The following CTNNA2 variants were observed in gnomAD, a reference collection of about 807,000 sequenced individuals.
CTNNA2 encodes the protein catenin alpha 2.
CTNNA2 carries 42 observed loss-of-function variants against 101.0 expected under a neutral mutation model. That is an observed-to-expected ratio of 0.42 (90% CI 0.32 to 0.54). CTNNA2 has a LOEUF of 0.54. Among genes scored for constraint, CTNNA2 ranks in the 20% least tolerant of loss-of-function variants. CTNNA2 has a pLI of 0.14. For missense variants in CTNNA2, 871 were observed against 1,223.1 expected (o/e 0.71, Z 4.29); for synonymous variants, 450 against 456.4 (o/e 0.99, Z 0.18).
At chr2:80,625,495 C>A (rs1196776538) in intron 18 of CTNNA2, among the ~76,000 whole-genome samples, 1 of 150,378 alleles carries the variant, frequency 6.6e-6, no homozygotes, top group Non-Finnish European at 1.5e-5. Flanking sequence ...TTCAGGAAGA[C>A]TTCTTTGATA....
At chr2:79,819,446 A>G (rs1187341256) in intron 3 of CTNNA2, among the ~76,000 whole-genome samples, 1 of 152,128 alleles carries the variant, frequency 6.6e-6, no homozygotes, top group Non-Finnish European at 1.5e-5. Context: ...GCATTTTTGT[A>G]TGTCCTTTGT....
chr2:80,200,012 A>G (rs1360286304), intron 7 of CTNNA2, among the ~76,000 whole-genome samples: 2 of 152,170 alleles, frequency 1.3e-5, no homozygotes, highest in Non-Finnish European at 2.9e-5. Context: ...TACAACCAGA[A>G]AGCTAACACA....
At chr2:79,776,637 C>T (rs10496232) in intron 3 of CTNNA2, among the ~76,000 whole-genome samples, 24,561 of 152,126 alleles carry the variant, frequency 0.16, 3,374 homozygotes, top group East Asian at 0.39. Context: ...ACTTATTGTT[C>T]ACTGGCTTGT....
chr2:80,289,732 A>G (rs531383494), intron 7 of CTNNA2, among the ~76,000 whole-genome samples: 8 of 152,286 alleles, frequency 5.3e-5, no homozygotes, highest in African/African-American at 1.7e-4. Context: ...ACAGAGTCAC[A>G]CTAGTGACTG....
intron 7 of CTNNA2, among the ~76,000 whole-genome samples, chr2:80,255,319 G>T (rs1397954458): frequency 6.6e-6 from 1 of 152,074 alleles, no homozygotes; most frequent in Non-Finnish European, 1.5e-5. Flanking sequence ...CATGAAGAAA[G>T]CCAGTGCCCC....
intron 2 of CTNNA2, among the ~76,000 whole-genome samples, chr2:79,670,493 G>C (rs1022870890): frequency 6.6e-6 from 1 of 152,160 alleles, no homozygotes; most frequent in Admixed American, 6.5e-5. Flanking sequence ...GACCCAGGGC[G>C]CTTCCGTGCT....
chr2:80,362,244 T>C (rs1038700422), intron 7 of CTNNA2, among the ~76,000 whole-genome samples: 8 of 152,082 alleles, frequency 5.3e-5, no homozygotes, highest in African/African-American at 1.2e-4. Flanking sequence ...AAGACACTCC[T>C]CCATTATAAG....
At chr2:80,096,323 T>A (rs942412742) in intron 7 of CTNNA2, among the ~76,000 whole-genome samples, 2 of 152,174 alleles carry the variant, frequency 1.3e-5, no homozygotes, top group African/African-American at 4.8e-5. Flanking sequence ...TTTGACTGAG[T>A]TTCTTAATCC....
chr2:79,661,924 A>G (rs576375670), intron 2 of CTNNA2, among the ~76,000 whole-genome samples: 1 of 152,002 alleles, frequency 6.6e-6, no homozygotes, highest in Admixed American at 6.5e-5. Context: ...TGAAGCTCCT[A>G]AGGAAAATGT....
At chr2:79,379,933 TG>T (rs1678020640) in intron 4 of CTNNA2, among the ~76,000 whole-genome samples, 1 of 152,230 alleles carries the variant, frequency 6.6e-6, no homozygotes, top group Non-Finnish European at 1.5e-5. Context: ...CACAATGTTA[TG>T]TAAAATAGTC....
intron 9 of CTNNA2, among the ~76,000 whole-genome samples, chr2:80,486,720 CAG>C (rs1686614120): frequency 6.6e-6 from 1 of 152,092 alleles, no homozygotes; most frequent in South Asian, 2.1e-4. Flanking sequence ...TAAAATAATG[CAG>C]AGAGATCCTA....
At chr2:79,258,745 C>A (rs901894114) in intron 2 of CTNNA2, among the ~76,000 whole-genome samples, 22 of 150,826 alleles carry the variant, frequency 1.5e-4, no homozygotes, top group Non-Finnish European at 2.8e-4. Context: ...AATATTTCTA[C>A]TCCAAGTCCT....
At chr2:80,114,477 C>T (rs1701403591) in intron 7 of CTNNA2, among the ~76,000 whole-genome samples, 1 of 152,164 alleles carries the variant, frequency 6.6e-6, no homozygotes, top group Admixed American at 6.5e-5. Flanking sequence ...ATCTGTGTTC[C>T]AGCCTCGTGG....
At chr2:79,425,395 G>A (rs894925263) in intron 4 of CTNNA2, among the ~76,000 whole-genome samples, 6 of 152,084 alleles carry the variant, frequency 3.9e-5, no homozygotes, top group Non-Finnish European at 8.8e-5. Flanking sequence ...ACCTCAGACT[G>A]GATAATATAT....
At chr2:79,462,891 A>G (rs1670894295) in intron 4 of CTNNA2, among the ~76,000 whole-genome samples, 1 of 152,138 alleles carries the variant, frequency 6.6e-6, no homozygotes, top group Non-Finnish European at 1.5e-5. Flanking sequence ...ACTGTATTGG[A>G]ACATTTTGAG....
At chr2:79,291,549 A>G (rs551596561) in intron 2 of CTNNA2, among the ~76,000 whole-genome samples, 4 of 152,292 alleles carry the variant, frequency 2.6e-5, no homozygotes, top group African/African-American at 9.6e-5. Flanking sequence ...CCCAGGAGCC[A>G]TAAGTTGAAG....
At chr2:79,854,583 G>A (rs549259968) in intron 3 of CTNNA2, among the ~76,000 whole-genome samples, 4 of 152,150 alleles carry the variant, frequency 2.6e-5, no homozygotes, top group Admixed American at 2.0e-4. Flanking sequence ...AAAGCTTTTA[G>A]AACAATACTT....
At chr2:79,875,915 C>T (rs535971190) in intron 6 of CTNNA2, among the ~76,000 whole-genome samples, 2 of 152,052 alleles carry the variant, frequency 1.3e-5, no homozygotes, top group East Asian at 3.9e-4. Flanking sequence ...TCTAGATTTT[C>T]ATCATGTAAA....
chr2:80,103,771 G>C (rs1376734884), intron 7 of CTNNA2, among the ~76,000 whole-genome samples: 1 of 152,160 alleles, frequency 6.6e-6, no homozygotes, highest in Non-Finnish European at 1.5e-5. Context: ...GTCTCACTCT[G>C]TTACCCAGGC....
Sources: gnomAD v4.1 joint callset for allele counts (sites outside exome capture counted in the v4.1 genomes callset) on GRCh38, gnomAD v4.1.1 for gene constraint, MANE v1.5 for transcripts, NCBI Gene and HGNC (gene_info 2026-07-23, HGNC 2026-07-21) for gene names.